ASXL3: variants seen among roughly 807,000 people sequenced by gnomAD.
ASXL3 encodes the protein ASXL transcriptional regulator 3, also known as putative Polycomb group protein ASXL3.
A neutral mutation model predicts 170.6 loss-of-function variants in ASXL3; 34 were observed. That is an observed-to-expected ratio of 0.20 (90% CI 0.15 to 0.27). The LOEUF (loss-of-function observed/expected upper bound fraction) is 0.27. ASXL3 is among the 10% of genes least tolerant of loss of function. The pLI is 1.00. For synonymous variants in ASXL3, 1,002 were observed against 989.1 expected (o/e 1.01, Z -0.24); for missense variants, 2,592 against 2,695.3 (o/e 0.96, Z 0.85).
chr18:33,720,602 A>T (rs962181072), intron 8 of ASXL3, among the ~76,000 whole-genome samples: 1 of 152,086 alleles, frequency 6.6e-6, no homozygotes, highest in Non-Finnish European at 1.5e-5. Flanking sequence ...ATCGCTTCTC[A>T]TCGAGGCCCA....
chr18:33,600,682 A>G (rs1415897318), intron 1 of ASXL3, among the ~76,000 whole-genome samples: 1 of 152,156 alleles, frequency 6.6e-6, no homozygotes, highest in Non-Finnish European at 1.5e-5. Flanking sequence ...GATCCAAAAA[A>G]GTTGCCAAAA....
chr18:33,660,617 T>G (rs1255737044), intron 4 of ASXL3, among the ~76,000 whole-genome samples: 2 of 152,200 alleles, frequency 1.3e-5, no homozygotes, highest in African/African-American at 4.8e-5. Context: ...TCTCAAGTTA[T>G]TTTCTTCTGA....
In ASXL3 at chr18:33,747,613, T is replaced by TATC. The variant is rs1382602148; in HGVS notation, c.*1019_*1021dup. 5 of 152,326 alleles carry TATC rather than the reference T, an allele frequency of 3.3e-5. No homozygotes were observed. The highest frequency in any genetic ancestry group is 9.6e-5 in the African/African-American group (4 of 41,562). 9.4% of individuals were successfully genotyped at this position (152,326 alleles called of 1,614,324 possible). A position where few individuals can be genotyped will look rare whatever the true frequency, so the allele number is the denominator to read the frequency against. On this transcript the variant is annotated 3_prime_UTR_variant, in exon 12 of 12. Transcript: ENST00000269197. ...CTTCAGACCTTGCAGAGGTTGGCCA[T>TATC]ATCTTTTTAAAAGTGTCATTGATGA...
chr18:33,655,756 C>T (rs1006466257), intron 4 of ASXL3, among the ~76,000 whole-genome samples: 1 of 152,006 alleles, frequency 6.6e-6, no homozygotes, highest in African/African-American at 2.4e-5. Context: ...CTGATATACA[C>T]AATTTCAAAT....
At chr18:33,728,940 T>C (rs1032218713) in intron 8 of ASXL3, among the ~76,000 whole-genome samples, 1 of 152,118 alleles carries the variant, frequency 6.6e-6, no homozygotes, top group Admixed American at 6.6e-5. Flanking sequence ...CCATCATGGC[T>C]TATATTGAAA....
intron 8 of ASXL3, among the ~76,000 whole-genome samples, chr18:33,691,251 C>T (rs969789952): frequency 8.5e-5 from 13 of 152,224 alleles, no homozygotes; most frequent in Admixed American, 8.5e-4. Flanking sequence ...AGTCCCCTCT[C>T]TGCCCGTGGT....
intron 4 of ASXL3, among the ~76,000 whole-genome samples, chr18:33,648,870 G>C (rs772243379): frequency 6.6e-6 from 1 of 152,080 alleles, no homozygotes; most frequent in African/African-American, 2.4e-5. Flanking sequence ...CAATGCTTTT[G>C]AAATGTGAAT....
Position 33,739,178 on chromosome 18 carries a change from A to G in ASXL3, c.1774A>G (p.Met592Val). Residue 592 changes from methionine (M) to valine (V), a missense_variant, in exon 11 of 12, where the codon ATG becomes GTG. Physicochemically the swap from Met to Val is conservative, Grantham distance 21 (BLOSUM62 1). Transcript: ENST00000269197. ...QFPNEGIAID[M>V]ELQSDPEEQL... ...TCCAAATGAAGGAATTGCTATAGAT[A>G]TGGAGCTACAGAGTGACCCTGAAGA... 6.2e-7 allele frequency: 1 copy of G among 1,613,872 alleles called. No homozygotes were observed. The highest frequency in any genetic ancestry group is 8.5e-7 in the Non-Finnish European group (1 of 1,179,842).
intron 8 of ASXL3, among the ~76,000 whole-genome samples, chr18:33,716,921 G>A (rs1344691631): frequency 6.6e-6 from 1 of 150,862 alleles, no homozygotes; most frequent in Non-Finnish European, 1.5e-5. Flanking sequence ...AAGTAATTGA[G>A]TGGGGAGGTG....
chr18:33,687,654 C>T (rs1390543873), intron 8 of ASXL3, among the ~76,000 whole-genome samples: 1 of 152,146 alleles, frequency 6.6e-6, no homozygotes, highest in Non-Finnish European at 1.5e-5. Flanking sequence ...GCTGTTAAGG[C>T]AATCTTTTTG....
chr18:33,618,538 A>G (rs1318450887), intron 2 of ASXL3, among the ~76,000 whole-genome samples: 1 of 152,126 alleles, frequency 6.6e-6, no homozygotes, highest in Non-Finnish European at 1.5e-5. Context: ...CTAAGCGCCT[A>G]CTCAGTGTTT....
intron 1 of ASXL3, among the ~76,000 whole-genome samples, chr18:33,604,308 T>C (rs906692529): frequency 6.6e-6 from 1 of 152,022 alleles, no homozygotes; most frequent in African/African-American, 2.4e-5. Context: ...ATGAAAAAAG[T>C]ATATTCAAAG....
At chr18:33,648,053 A>C (rs909835775) in intron 4 of ASXL3, among the ~76,000 whole-genome samples, 7 of 152,032 alleles carry the variant, frequency 4.6e-5, no homozygotes, top group Non-Finnish European at 1.0e-4. Context: ...AAGGGAGAGT[A>C]TGTTAAGAAA....
chr18:33,684,748 C>A (rs1941694), intron 8 of ASXL3, among the ~76,000 whole-genome samples: 84,879 of 151,852 alleles, frequency 0.56, 24,304 homozygotes, highest in East Asian at 0.9. Context: ...TGTAAATAAC[C>A]AAAATATGAG....
Position 33,740,029 on chromosome 18 carries a change from A to G in ASXL3, c.2625A>G (p.Lys875=), listed in dbSNP as rs1255206598. ...NHSVLQRTEK[K]VLPSPLELSV... ...GCGTCCTGCAAAGAACAGAAAAAAA[A>G]GTGTTACCTTCACCATTGGAATTAT... Residue 875 remains lysine, a synonymous_variant, in exon 11 of 12, where the codon AAA becomes AAG. Coordinates refer to ENST00000269197, the MANE Select transcript of ASXL3 (RefSeq NM_030632.3). The G allele has an allele frequency of 2.5e-6, 4 of 1,613,798 alleles. No homozygotes were observed. The African/African-American group carries it at 5.3e-5, about 22-fold the overall frequency.
rs2067740135 is a variant in ASXL3, at chr18:33,744,704, A to G, written c.4856A>G (p.Gln1619Arg). The stretch of plus-strand genomic sequence containing the variant: ...GATGATGGGATGAGGAGCACAGGAC[A>G]GCCTCTGGTTACTCACTCGGGTTCA... ...WNDDGMRSTG[Q>R]PLVTHSGSSK... The change falls in exon 12 of 12, where the codon CAG becomes CGG. Residue 1619 changes from glutamine to arginine, a missense_variant. Coordinates refer to ENST00000269197, the MANE Select transcript of ASXL3 (RefSeq NM_030632.3). 3 of 1,612,276 alleles carry G rather than the reference A, an allele frequency of 1.9e-6. No homozygotes were observed. The highest frequency in any genetic ancestry group is 1.3e-5 in the African/African-American group (1 of 74,914).
At chr18:33,641,585 A>G (rs552670430) in intron 2 of ASXL3, among the ~76,000 whole-genome samples, 1 of 152,200 alleles carries the variant, frequency 6.6e-6, no homozygotes, top group East Asian at 1.9e-4. Flanking sequence ...TCGTAGAAGT[A>G]TTAGGGGAAA....
At chr18:33,597,472 G>C (rs531844058) in intron 1 of ASXL3, among the ~76,000 whole-genome samples, 1 of 151,766 alleles carries the variant, frequency 6.6e-6, no homozygotes, top group Non-Finnish European at 1.5e-5. Context: ...CTTAGACTAC[G>C]TCTCATTATT....
chr18:33,642,936 T>C (rs1337111051), intron 2 of ASXL3, among the ~76,000 whole-genome samples: 4 of 151,926 alleles, frequency 2.6e-5, no homozygotes, highest in Admixed American at 6.6e-5. Context: ...GTTGGAATCA[T>C]GTGCATTAGG....
Sources: allele counts gnomAD v4.1 joint callset (sites outside exome capture counted in the v4.1 genomes callset), GRCh38; gene constraint gnomAD v4.1.1; transcripts MANE v1.5; gene names NCBI Gene and HGNC (gene_info 2026-07-23, HGNC 2026-07-21).